The following PDGFD variants were observed in gnomAD, a reference collection of about 807,000 sequenced individuals.
The protein encoded by PDGFD is platelet derived growth factor D.
Under a neutral mutation model 44.7 loss-of-function variants are expected in PDGFD, and 30 were observed. The observed-to-expected ratio is 0.67, with a 90% CI of 0.50 to 0.91. The LOEUF (loss-of-function observed/expected upper bound fraction) is 0.91. PDGFD is among the 40% of genes least tolerant of loss of function. The pLI, the probability that PDGFD is intolerant of heterozygous loss-of-function variation, is 0.00. For synonymous variants in PDGFD, 173 were observed against 168.4 expected (o/e 1.03, Z -0.21); for missense variants, 445 against 457.8 (o/e 0.97, Z 0.25).
chr11:104,119,538 A>ATAATG lies in PDGFD; in HGVS notation c.124+44265_124+44266insCATTA, dbSNP rs1461308687. Among the ~76,000 whole-genome samples the ATAATG allele has an allele frequency of 3.6e-5, 3 of 83,798 alleles. 1 individual carries two copies. The East Asian group carries it at 1.3e-3, about 36-fold the overall frequency. 55.0% of individuals were successfully genotyped at this position (83,798 alleles called of 152,430 possible). ...TTAATATAATATATTGATATAATAT[A>ATAATG]TAATATAATATATTGATATAATATA... On this transcript the variant is annotated intron_variant, in intron 1 of 6. Coordinates refer to ENST00000393158, the MANE Select transcript of PDGFD (RefSeq NM_025208.5).
At chr11:104,017,914 T>C (rs189565732) in intron 1 of PDGFD, among the ~76,000 whole-genome samples, 2 of 152,346 alleles carry the variant, frequency 1.3e-5, no homozygotes, top group African/African-American at 4.8e-5. Flanking sequence ...CTGCCATTTA[T>C]ATCTCCAGAA....
chr11:104,064,141 T>G (rs1334133922), intron 1 of PDGFD, among the ~76,000 whole-genome samples: 1 of 152,226 alleles, frequency 6.6e-6, no homozygotes, highest in Non-Finnish European at 1.5e-5. Context: ...GATTTTACAA[T>G]GTGTTTATAC....
intron 1 of PDGFD, among the ~76,000 whole-genome samples, chr11:104,072,735 G>T (rs1231114704): frequency 1.3e-5 from 2 of 151,940 alleles, no homozygotes; most frequent in African/African-American, 4.8e-5. Context: ...ATAATATGGA[G>T]TTCCCACTAA....
chr11:104,021,498 G>A (rs1307689927), intron 1 of PDGFD, among the ~76,000 whole-genome samples: 1 of 152,126 alleles, frequency 6.6e-6, no homozygotes, highest in Non-Finnish European at 1.5e-5. Context: ...GGTACTAATT[G>A]TGATTCTAAG....
At chr11:103,935,025 T>C (rs568683757) in intron 5 of PDGFD, among the ~76,000 whole-genome samples, 3 of 152,104 alleles carry the variant, frequency 2.0e-5, no homozygotes, top group Non-Finnish European at 4.4e-5. Flanking sequence ...AGAAAAAAAT[T>C]AGCACAGCAA....
At chr11:104,094,354 C>G (rs182808924) in intron 1 of PDGFD, among the ~76,000 whole-genome samples, 1 of 152,176 alleles carries the variant, frequency 6.6e-6, no homozygotes, top group Admixed American at 6.6e-5. Context: ...CTTCTTTCCT[C>G]TTTGCATACA....
intron 1 of PDGFD, among the ~76,000 whole-genome samples, chr11:104,016,993 T>G (rs986388623): frequency 1.4e-4 from 22 of 152,216 alleles, no homozygotes; most frequent in African/African-American, 5.1e-4. Flanking sequence ...ATGTTGAAAT[T>G]CTAACCCTCG....
chr11:104,145,047 C>T (rs543111328), intron 1 of PDGFD, among the ~76,000 whole-genome samples: 1 of 152,278 alleles, frequency 6.6e-6, no homozygotes, highest in South Asian at 2.1e-4. Context: ...TGATATTGTG[C>T]TAAATAACTA....
chr11:104,098,346 A>C (rs1020496896), intron 1 of PDGFD, among the ~76,000 whole-genome samples: 6 of 152,130 alleles, frequency 3.9e-5, no homozygotes, highest in Non-Finnish European at 7.4e-5. Flanking sequence ...ATGAAAGCAA[A>C]AGTAAGAAGA....
chr11:104,122,801 C>G (rs2134464755), intron 1 of PDGFD, among the ~76,000 whole-genome samples: 1 of 151,940 alleles, frequency 6.6e-6, no homozygotes. Context: ...TTTTGGACTA[C>G]CAGTTTTGGA....
chr11:104,161,618 TG>T (rs1407258373), intron 1 of PDGFD, among the ~76,000 whole-genome samples: 2 of 152,210 alleles, frequency 1.3e-5, no homozygotes, highest in Non-Finnish European at 2.9e-5. Flanking sequence ...TCCTTGTGAA[TG>T]GTAATACCAC....
In PDGFD at chr11:104,163,993, G is replaced by A. The variant is rs879160548; in HGVS notation, c.-66C>T. 18 of 1,458,658 alleles carry A rather than the reference G, an allele frequency of 1.2e-5. 1 individual carries two copies. In the South Asian group the frequency reaches 2.3e-4, roughly 19 times the overall value. 90.4% of individuals were successfully genotyped at this position (1,458,658 alleles called of 1,614,324 possible). ...GCCGGGTTCTGCTCCCGGGACCGAC[G>A]CCGCGCCGCCCTGCGCTCTCGCCGC... On this transcript the variant is annotated 5_prime_UTR_variant, in exon 1 of 7. Coordinates refer to ENST00000393158, the MANE Select transcript of PDGFD (RefSeq NM_025208.5).
At chr11:104,036,581 G>T in intron 1 of PDGFD, 1 of 563,642 alleles carries the variant, frequency 1.8e-6, no homozygotes, top group Non-Finnish European at 3.2e-6. Flanking sequence ...AGCACACTTA[G>T]AAATGGACTT....
chr11:104,093,279 A>G (rs899571795), intron 1 of PDGFD, among the ~76,000 whole-genome samples: 2 of 151,964 alleles, frequency 1.3e-5, no homozygotes, highest in African/African-American at 4.8e-5. Context: ...ATCATCCTAC[A>G]TGGGGCAGCT....
chr11:103,986,863 T>G (rs955279054), intron 3 of PDGFD, among the ~76,000 whole-genome samples: 3 of 152,158 alleles, frequency 2.0e-5, no homozygotes, highest in African/African-American at 7.2e-5. Context: ...CGGGATAACA[T>G]CACTATTCTA....
chr11:103,968,118 T>C (rs996799206), intron 3 of PDGFD, among the ~76,000 whole-genome samples: 3 of 152,182 alleles, frequency 2.0e-5, no homozygotes, highest in African/African-American at 7.2e-5. Context: ...CCCCTCTCCC[T>C]TGGCTTCTGT....
intron 1 of PDGFD, among the ~76,000 whole-genome samples, chr11:104,147,917 G>C (rs1862186243): frequency 5.3e-5 from 8 of 152,266 alleles, no homozygotes; most frequent in Admixed American, 5.2e-4. Flanking sequence ...ATGGTGAAGT[G>C]ATAAATGAGA....
chr11:103,953,686 A>T (rs575334529), intron 3 of PDGFD, among the ~76,000 whole-genome samples: 5 of 152,334 alleles, frequency 3.3e-5, no homozygotes, highest in African/African-American at 1.2e-4. Context: ...TTTATCTCAT[A>T]AAGAGGATTC....
rs574677481 is a variant in PDGFD, at chr11:103,924,814, T to C, written c.987+2098A>G. 1.8e-4 allele frequency among the ~76,000 whole-genome samples: 28 copies of C among 152,274 alleles called. 1 individual carries two copies. Among genetic ancestry groups the C allele is most frequent in the Admixed American group, 8.5e-4 (13 of 15,296 alleles). The stretch of plus-strand genomic sequence containing the variant: ...TATTCCTTTGTTGTGGTGGACACTT[T>C]TTAAAAATTATTATTATACTTTAAG... On this transcript the variant is annotated intron_variant, in intron 6 of 6. Transcript: ENST00000393158.
Sources: gnomAD v4.1 joint callset for allele counts (sites outside exome capture counted in the v4.1 genomes callset) on GRCh38, gnomAD v4.1.1 for gene constraint, MANE v1.5 for transcripts, NCBI Gene and HGNC (gene_info 2026-07-23, HGNC 2026-07-21) for gene names.